AHNAK: variants seen among roughly 807,000 people sequenced by gnomAD.
AHNAK encodes the protein neuroblast differentiation-associated protein AHNAK.
AHNAK carries 23 observed loss-of-function variants against 37.8 expected under a neutral mutation model. The ratio of observed to expected loss-of-function variants is 0.61; its 90% CI spans 0.44 to 0.86. AHNAK has a LOEUF of 0.86. Among genes scored for constraint, AHNAK ranks in the 40% least tolerant of loss-of-function variants. The pLI is 0.00. For missense variants in AHNAK, 7,411 were observed against 7,319.4 expected (o/e 1.01, Z -0.46); for synonymous variants, 2,481 against 2,636.3 (o/e 0.94, Z 1.80).
chr11:62,518,997 A>T lies in AHNAK; in HGVS notation c.15420T>A (p.Ala5140=), dbSNP rs775614458. The T allele has an allele frequency of 6.2e-6, 10 of 1,613,938 alleles. No individual in the cohort carries two copies. The highest frequency in any genetic ancestry group is 1.6e-4 in the Middle Eastern group (1 of 6,084). Residue 5140 remains alanine (A), a synonymous_variant, in exon 5 of 5, where the codon GCT becomes GCA. Coordinates refer to ENST00000378024, the MANE Select transcript of AHNAK (RefSeq NM_001620.3). ...HVEGLDIKAK[A]PKVKMPDVDI... ...CCACATCTGGCATCTTGACCTTGGGAGCCTTCGCCTTGATGTCAAGACCTT... is the reference window on the plus strand; with the variant it reads ...CCACATCTGGCATCTTGACCTTGGGTGCCTTCGCCTTGATGTCAAGACCTT...
In AHNAK at chr11:62,516,530, T is replaced by C; in HGVS notation, c.*214A>G. On this transcript the variant is annotated 3_prime_UTR_variant, in exon 5 of 5. Transcript: ENST00000378024. ...AGGCAAATACTGTTGACTTTGCACA[T>C]GGGCTGGACGAACTTGGAACTCTTT... The C allele has an allele frequency of 1.4e-6, 2 of 1,411,394 alleles. No individual in the cohort carries two copies. The highest frequency in any genetic ancestry group is 1.8e-6 in the Non-Finnish European group (2 of 1,088,494). The allele number at this position is 1,411,394 out of a possible 1,614,324, so 87.4% of individuals were successfully genotyped here.
chr11:62,476,783 C>A (rs542068049), intron 5 of AHNAK, among the ~76,000 whole-genome samples: 11 of 152,242 alleles, frequency 7.2e-5, no homozygotes, highest in Non-Finnish European at 1.5e-4. Context: ...GAGAAAGAAG[C>A]TCCAAAGCAC....
At chr11:62,442,687 A>G (rs899702408) in intron 5 of AHNAK, among the ~76,000 whole-genome samples, 1 of 152,026 alleles carries the variant, frequency 6.6e-6, no homozygotes, top group African/African-American at 2.4e-5. Context: ...CCTGGCCAAC[A>G]TGGCGAAACC....
intron 5 of AHNAK, among the ~76,000 whole-genome samples, chr11:62,457,461 G>A (rs1590597023): frequency 1.4e-5 from 2 of 147,964 alleles, no homozygotes; most frequent in East Asian, 2.0e-4. Context: ...AAAAAAAAAA[G>A]ACAAAACAAA....
Position 62,526,675 on chromosome 11 carries a change from A to G in AHNAK, c.7742T>C (p.Met2581Thr). Residue 2581 changes from methionine to threonine, a missense_variant, in exon 5 of 5, where the codon ATG (methionine) becomes ACG (threonine). Coordinates refer to ENST00000378024, the MANE Select transcript of AHNAK (RefSeq NM_001620.3). ...TTTCAGATGCAAATCAAAGTCAGGC[A>G]TGGAGATCTTGGGGGCTTTGATGTT... Reference protein sequence around the residue: ...EMNIKAPKISMPDFDLHLKGP... With the variant: ...EMNIKAPKISTPDFDLHLKGP... The G allele has an allele frequency of 6.2e-7, 1 of 1,612,670 alleles. No homozygotes were observed. Among genetic ancestry groups the G allele is most frequent in the East Asian group, 2.2e-5 (1 of 44,794 alleles).
chr11:62,534,195 G>C, intron 4 of AHNAK, 121 bp from the exon 5 acceptor site: 1 of 995,224 alleles, frequency 1.0e-6, no homozygotes, highest in Non-Finnish European at 1.4e-6. Context: ...CCAAAACAGA[G>C]GTCCATGGAG....
chr11:62,468,682 G>A (rs917853496), intron 5 of AHNAK, among the ~76,000 whole-genome samples: 2 of 152,188 alleles, frequency 1.3e-5, no homozygotes, highest in South Asian at 4.1e-4. Context: ...CTCTGCTTTA[G>A]CCTTTACAAG....
chr11:62,541,101 A>G (rs1941110160), intron 1 of AHNAK, among the ~76,000 whole-genome samples: 3 of 152,342 alleles, frequency 2.0e-5, no homozygotes, highest in Admixed American at 1.3e-4. Context: ...CAGCAGCTAG[A>G]GACAGCCCTG....
intron 4 of AHNAK, among the ~76,000 whole-genome samples, chr11:62,495,109 G>C (rs1393460528): frequency 6.6e-6 from 1 of 151,918 alleles, no homozygotes; most frequent in East Asian, 1.9e-4. Context: ...CAAGGCTACA[G>C]TGAGCTGTGA....
Position 62,531,471 on chromosome 11 carries a change from G to GACATCT in AHNAK, c.2940_2945dup (p.Asp981_Val982dup). The GACATCT allele has an allele frequency of 6.2e-7, 1 of 1,614,204 alleles. No homozygotes were observed. Among genetic ancestry groups the GACATCT allele is most frequent in the East Asian group, 2.2e-5 (1 of 44,888 alleles). On this transcript the variant is annotated inframe_insertion, in exon 5 of 5. Coordinates refer to ENST00000378024, the MANE Select transcript of AHNAK (RefSeq NM_001620.3). The stretch of plus-strand genomic sequence containing the variant: ...CCTGCATTTCAACATCTGGGGCACT[G>GACATCT]ACATCTACTTTTGGGCCTTTCAGGT...
intron 5 of AHNAK, among the ~76,000 whole-genome samples, chr11:62,485,277 C>T (rs1939367306): frequency 6.6e-6 from 1 of 152,038 alleles, no homozygotes; most frequent in South Asian, 2.1e-4. Flanking sequence ...TGATGCATGC[C>T]TGTACTGGGG....
Position 62,519,526 on chromosome 11 carries a change from T to A in AHNAK, c.14891A>T (p.Asn4964Ile). Residue 4964 changes from asparagine to isoleucine, a missense_variant, in exon 5 of 5, where the codon AAC becomes ATC. By Grantham distance (149) the Asn-to-Ile change is moderately radical. Coordinates refer to ENST00000378024, the MANE Select transcript of AHNAK (RefSeq NM_001620.3). ...LDVHMDSPDI[N>I]IEGPDVKIPK... ...GATTTTAACATCTGGCCCTTCGATG[T>A]TAATATCTGGGCTGTCCATGTGTAC... 6.2e-7 allele frequency: 1 copy of A among 1,612,930 alleles called. No homozygotes were observed. The highest frequency in any genetic ancestry group is 1.1e-5 in the South Asian group (1 of 90,772).
Position 62,523,844 on chromosome 11 carries a change from C to T in AHNAK, c.10573G>A (p.Gly3525Ser). ...PDLNVEGPEGGLKGPKFKMPD... is the reference protein window; with the variant it reads ...PDLNVEGPEGSLKGPKFKMPD... ...ATCTTGAATTTGGGACCTTTCAAGC[C>T]TCCCTCCGGACCTTCCACATTGAGA... Residue 3525 changes from glycine to serine, a missense_variant, in exon 5 of 5, where the codon GGC (glycine) becomes AGC (serine). Transcript: ENST00000378024. The T allele has an allele frequency of 6.2e-7, 1 of 1,614,052 alleles. No homozygotes were observed. Among genetic ancestry groups the T allele is most frequent in the Non-Finnish European group, 8.5e-7 (1 of 1,180,016 alleles).
At chr11:62,504,170 A>AAGAG (rs970209177) in intron 4 of AHNAK, among the ~76,000 whole-genome samples, 5 of 151,780 alleles carry the variant, frequency 3.3e-5, no homozygotes, top group African/African-American at 1.2e-4. Context: ...CAAAAACAGA[A>AAGAG]AGAGAGAGAG....
At position 62,519,568 on chromosome 11, in the gene AHNAK, T is replaced by G. The variant is rs1940153753; in HGVS notation, c.14849A>C (p.Glu4950Ala). The change falls in exon 5 of 5, where the codon GAA becomes GCA. Residue 4950 changes from glutamate to alanine, a missense_variant. Physicochemically the swap from Glu to Ala is moderately radical, Grantham distance 107. Coordinates refer to ENST00000378024, the MANE Select transcript of AHNAK (RefSeq NM_001620.3). ...GEVDLKGPKV[E>A]APSLDVHMDS... Reference sequence around the variant, plus strand: ...CATGTGTACATCTAAGCTTGGAGCTTCAACTTTGGGTCCCTTGAGGTCCAC... The same window carrying G: ...CATGTGTACATCTAAGCTTGGAGCTGCAACTTTGGGTCCCTTGAGGTCCAC... The G allele has an allele frequency of 3.7e-6, 6 of 1,611,256 alleles. No individual in the cohort carries two copies. The highest frequency in any genetic ancestry group is 2.2e-5 in the East Asian group (1 of 44,842).
chr11:62,485,155 T>C (rs1939364494), intron 5 of AHNAK, among the ~76,000 whole-genome samples: 1 of 152,092 alleles, frequency 6.6e-6, no homozygotes, highest in African/African-American at 2.4e-5. Flanking sequence ...CCCCAGCACT[T>C]TGAGAGGCCA....
chr11:62,511,889 C>T (rs1448186860), downstream of AHNAK, among the ~76,000 whole-genome samples: 2 of 152,124 alleles, frequency 1.3e-5, no homozygotes, highest in Non-Finnish European at 2.9e-5. Flanking sequence ...TGCTCTGTCA[C>T]CCAGGCTGGA....
Position 62,530,277 on chromosome 11 carries a change from C to T in AHNAK, c.4140G>A (p.Leu1380=). 1.9e-6 allele frequency: 3 copies of T among 1,612,888 alleles called. No individual in the cohort carries two copies. Among genetic ancestry groups the T allele is most frequent in the Non-Finnish European group, 2.5e-6 (3 of 1,179,744 alleles). Residue 1380 remains leucine (L), a synonymous_variant, in exon 5 of 5, where the codon CTG becomes CTA. Coordinates refer to ENST00000378024, the MANE Select transcript of AHNAK (RefSeq NM_001620.3). ...TGGGCATTTTCACCTTGGGCATCTT[C>T]AGGTGCCAATCTGGGCCATGAACAT... ...DVDVHGPDWH[L]KMPKVKMPKF... is the part of the protein sequence containing the mutation.
intron 5 of AHNAK, among the ~76,000 whole-genome samples, chr11:62,457,197 C>T (rs1052902479): frequency 2.0e-5 from 3 of 152,090 alleles, no homozygotes; most frequent in African/African-American, 4.8e-5. Flanking sequence ...GGTGTAATCC[C>T]GGCACTTTGG....
Sources: allele counts gnomAD v4.1 joint callset (sites outside exome capture counted in the v4.1 genomes callset), GRCh38; gene constraint gnomAD v4.1.1; transcripts MANE v1.5; gene names NCBI Gene and HGNC (gene_info 2026-07-23, HGNC 2026-07-21).